Variants in TYW1B observed in about 807,000 individuals in gnomAD.
TYW1B encodes S-adenosyl-L-methionine-dependent tRNA 4-demethylwyosine synthase TYW1B.
TYW1B carries 73 observed loss-of-function variants against 86.9 expected under a neutral mutation model. The ratio of observed to expected loss-of-function variants is 0.84; its 90% CI spans 0.70 to 1.02. The LOEUF (loss-of-function observed/expected upper bound fraction) is 1.02, where lower values mean the gene tolerates loss of function less well. Ranked by LOEUF, TYW1B falls within the 50% of genes least tolerant of loss-of-function variation. The pLI, the probability that TYW1B is intolerant of heterozygous loss-of-function variation, is 0.00. For missense variants in TYW1B, 637 were observed against 827.4 expected (o/e 0.77, Z 2.82); for synonymous variants, 248 against 292.8 (o/e 0.85, Z 1.56).
rs182616934 is a variant in TYW1B, at chr7:72,735,094, A to G, written c.1083-6163T>C. Reference sequence around the variant, plus strand: ...AACTACCATATGATCCAGCAACCCCACTACTGAATATACATCCAAAGGAAA... The same window carrying G: ...AACTACCATATGATCCAGCAACCCCGCTACTGAATATACATCCAAAGGAAA... On this transcript the variant is annotated intron_variant, in intron 8 of 13. Coordinates refer to ENST00000620995, the MANE Select transcript of TYW1B (RefSeq NM_001145440.3). Among the ~76,000 whole-genome samples the G allele has an allele frequency of 2.1e-3, 323 of 152,324 alleles. 11 individuals are homozygous for G. The East Asian group carries it at 0.043, about 20-fold the overall frequency.
At chr7:72,585,725 G>A (rs1457156809) in intron 13 of TYW1B, among the ~76,000 whole-genome samples, 1 of 152,156 alleles carries the variant, frequency 6.6e-6, no homozygotes, top group African/African-American at 2.4e-5. Context: ...TGTGAGACAT[G>A]CCTTTCACCT....
chr7:72,576,536 G>C (rs1345341764), intron 13 of TYW1B, among the ~76,000 whole-genome samples: 1 of 141,482 alleles, frequency 7.1e-6, no homozygotes, highest in Non-Finnish European at 1.5e-5. Context: ...TTTTTGAGAC[G>C]GAGTCTCGCT....
chr7:72,677,567 G>A (rs35662597), intron 11 of TYW1B, among the ~76,000 whole-genome samples: 6 of 152,114 alleles, frequency 3.9e-5, no homozygotes, highest in African/African-American at 9.7e-5. Context: ...AGCCCTTGGC[G>A]GAATGAAAAA....
chr7:72,597,211 A>G (rs190606991), intron 13 of TYW1B, among the ~76,000 whole-genome samples: 111 of 151,976 alleles, frequency 7.3e-4, no homozygotes, highest in African/African-American at 2.5e-3. Context: ...ACTACTAAAT[A>G]ATTCATAGAT....
intron 13 of TYW1B, among the ~76,000 whole-genome samples, chr7:72,600,168 A>G (rs1811627275): frequency 6.6e-6 from 1 of 152,206 alleles, no homozygotes; most frequent in Non-Finnish European, 1.5e-5. Context: ...GGGAAAGAAC[A>G]GACACATAGA....
At chr7:72,648,710 T>C (rs1201504299) in intron 11 of TYW1B, among the ~76,000 whole-genome samples, 2 of 152,078 alleles carry the variant, frequency 1.3e-5, no homozygotes, top group Admixed American at 6.6e-5. Context: ...ACAGGTTACT[T>C]ACAACAGGAA....
chr7:72,714,118 A>G (rs1399665564), intron 9 of TYW1B, among the ~76,000 whole-genome samples: 1 of 152,134 alleles, frequency 6.6e-6, no homozygotes, highest in Non-Finnish European at 1.5e-5. Context: ...TGATCTAAGA[A>G]AATGAACTCA....
chr7:72,787,642 G>T (rs1373939163), intron 6 of TYW1B, among the ~76,000 whole-genome samples: 1 of 148,798 alleles, frequency 6.7e-6, no homozygotes, highest in Non-Finnish European at 1.5e-5. Flanking sequence ...GTGGTGGCGC[G>T]TACCTGCAGT....
intron 11 of TYW1B, among the ~76,000 whole-genome samples, chr7:72,656,402 A>T (rs1813204857): frequency 6.6e-6 from 1 of 152,192 alleles, no homozygotes; most frequent in African/African-American, 2.4e-5. Flanking sequence ...ATGATGAGGA[A>T]GCAAGAAAGC....
chr7:72,605,767 A>G (rs1811780074), intron 13 of TYW1B, among the ~76,000 whole-genome samples: 2 of 152,206 alleles, frequency 1.3e-5, no homozygotes, highest in South Asian at 4.1e-4. Flanking sequence ...AAGTGTCAGG[A>G]AATTCTTTCC....
Position 72,815,309 on chromosome 7 carries a change from T to C in TYW1B, c.237+71A>G. On this transcript the variant is annotated intron_variant, in intron 3 of 13. Transcript: ENST00000620995. Reference sequence around the variant, plus strand: ...ATTCTGAAGATTCTAGTTATCTAATTAAATTTACTGTGAAGATTGCAGATC... The same window carrying C: ...ATTCTGAAGATTCTAGTTATCTAATCAAATTTACTGTGAAGATTGCAGATC... 4 of 1,324,718 alleles carry C rather than the reference T, an allele frequency of 3.0e-6. No individual in the cohort carries two copies. In the South Asian group the frequency reaches 5.7e-5, roughly 19 times the overall value. The allele number at this position is 1,324,718 out of a possible 1,614,324, so 82.1% of individuals were successfully genotyped here. A position where few individuals can be genotyped will look rare whatever the true frequency, so the allele number is the denominator to read the frequency against.
Position 72,739,055 on chromosome 7 carries a change from T to C in TYW1B, c.1082+5429A>G, listed in dbSNP as rs34303853. On this transcript the variant is annotated intron_variant, in intron 8 of 13. Transcript: ENST00000620995. Reference sequence around the variant, plus strand: ...GAGCTATGATTGCACCACTGTACTCTAGCCTAGGTGACAGGGCTTAATATG... The same window carrying C: ...GAGCTATGATTGCACCACTGTACTCCAGCCTAGGTGACAGGGCTTAATATG... Among the ~76,000 whole-genome samples the C allele has an allele frequency of 7.9e-5, 12 of 152,240 alleles. No homozygotes were observed. The East Asian group carries it at 9.7e-4, about 12-fold the overall frequency.
chr7:72,627,060 C>T (rs1181378467), intron 12 of TYW1B, among the ~76,000 whole-genome samples: 1 of 152,154 alleles, frequency 6.6e-6, no homozygotes, highest in South Asian at 2.1e-4. Flanking sequence ...AGCCACTCCA[C>T]TAGGATAGCA....
intron 7 of TYW1B, among the ~76,000 whole-genome samples, chr7:72,758,143 C>G: frequency 6.6e-6 from 1 of 152,030 alleles, no homozygotes; most frequent in East Asian, 1.9e-4. Flanking sequence ...TCCCTTAAAC[C>G]CGGGAGGCAG....
At chr7:72,642,438 C>T (rs1437757837) in intron 11 of TYW1B, among the ~76,000 whole-genome samples, 1 of 152,194 alleles carries the variant, frequency 6.6e-6, no homozygotes, top group Non-Finnish European at 1.5e-5. Context: ...TAATTTTACT[C>T]GTAAGTGTGA....
intron 10 of TYW1B, among the ~76,000 whole-genome samples, chr7:72,696,961 T>G (rs1338542896): frequency 2.0e-5 from 3 of 151,110 alleles, no homozygotes; most frequent in Non-Finnish European, 2.9e-5. Flanking sequence ...CAGCATTCTG[T>G]CTCATCACCC....
intron 6 of TYW1B, among the ~76,000 whole-genome samples, chr7:72,796,803 T>C (rs1425293181): frequency 6.6e-6 from 1 of 151,216 alleles, no homozygotes; most frequent in Non-Finnish European, 1.5e-5. Flanking sequence ...GCTTAGTACA[T>C]TGATTATTTC....
At chr7:72,766,353 C>T (rs1430205189) in intron 7 of TYW1B, among the ~76,000 whole-genome samples, 2 of 152,224 alleles carry the variant, frequency 1.3e-5, no homozygotes, top group African/African-American at 4.8e-5. Context: ...CGGTGGCTCA[C>T]GCCTATAATC....
At chr7:72,762,936 A>C (rs1585965028) in intron 7 of TYW1B, among the ~76,000 whole-genome samples, 1 of 152,192 alleles carries the variant, frequency 6.6e-6, no homozygotes, top group Admixed American at 6.5e-5. Flanking sequence ...CTGCGATTAC[A>C]GGCGTGAGCC....
Sources: allele counts gnomAD v4.1 joint callset (sites outside exome capture counted in the v4.1 genomes callset), GRCh38; gene constraint gnomAD v4.1.1; transcripts MANE v1.5; gene names NCBI Gene and HGNC (gene_info 2026-07-23, HGNC 2026-07-21).